VWF: variants seen among roughly 807,000 people sequenced by gnomAD.
VWF encodes the protein von Willebrand factor.
Under a neutral mutation model 308.6 loss-of-function variants are expected in VWF, and 176 were observed. That is an observed-to-expected ratio of 0.57 (90% CI 0.50 to 0.65). The LOEUF (loss-of-function observed/expected upper bound fraction) is 0.65, where lower values mean the gene tolerates loss of function less well. VWF is among the 30% of genes least tolerant of loss of function. The pLI is 0.00. For missense variants in VWF, 3,146 were observed against 3,648.2 expected (o/e 0.86, Z 3.55); for synonymous variants, 1,385 against 1,443.4 (o/e 0.96, Z 0.92).
chr12:6,058,051 G>GA lies in VWF; in HGVS notation c.1534-8dup, dbSNP rs1672389238. ...CGGCATAGACGGGGGACAGCTGCAGGAGAGACCAGGCCACTCTGGAGCCGC... is the reference window on the plus strand; with the variant it reads ...CGGCATAGACGGGGGACAGCTGCAGGAAGAGACCAGGCCACTCTGGAGCCGC... On this transcript the variant is annotated splice_region_variant and splice_polypyrimidine_tract_variant and intron_variant, in intron 13 of 51. Coordinates refer to ENST00000261405, the MANE Select transcript of VWF (RefSeq NM_000552.5). The surrounding 1 kb of genome is among the most constrained non-coding windows in gnomAD (Gnocchi z 4.9). The GA allele has an allele frequency of 6.2e-7, 1 of 1,612,986 alleles. No individual in the cohort carries two copies. The highest frequency in any genetic ancestry group is 2.2e-5 in the East Asian group (1 of 44,872).
At chr12:6,053,066 A>G (rs1944536980) in intron 15 of VWF, among the ~76,000 whole-genome samples, 1 of 152,212 alleles carries the variant, frequency 6.6e-6, no homozygotes, top group African/African-American at 2.4e-5. Flanking sequence ...GATATGTATT[A>G]TAATTATGGG....
Position 5,972,832 on chromosome 12 carries a change from A to C in VWF, c.7438-1123T>G, listed in dbSNP as rs78116759. 3.2e-3 allele frequency among the ~76,000 whole-genome samples: 494 copies of C among 152,352 alleles called. 6 individuals are homozygous for C. The highest frequency in any genetic ancestry group is 0.011 in the African/African-American group (466 of 41,586). ...GTACACACCCTCCAAGATACAGCAG[A>C]ACATTCAAAATGCCATTAAAGAAAA... On this transcript the variant is annotated intron_variant, in intron 43 of 51. Transcript: ENST00000261405.
chr12:6,076,990 A>G (rs1457871492), intron 6 of VWF, among the ~76,000 whole-genome samples: 1 of 152,192 alleles, frequency 6.6e-6, no homozygotes, highest in African/African-American at 2.4e-5. Flanking sequence ...GCCGCTTGCT[A>G]GGCCTCCACC....
At chr12:6,113,636 G>A (rs1032604989) in intron 3 of VWF, among the ~76,000 whole-genome samples, 7 of 152,168 alleles carry the variant, frequency 4.6e-5, no homozygotes, top group African/African-American at 2.4e-5. Context: ...TACCAGTAAT[G>A]GTAGAATCTG....
Position 6,107,060 on chromosome 12 carries a change from A to C in VWF, c.532+3314T>G, listed in dbSNP as rs932957775. Among the ~76,000 whole-genome samples the C allele has an allele frequency of 3.9e-5, 6 of 152,188 alleles. No homozygotes were observed. In the East Asian group the frequency reaches 1.2e-3, roughly 29 times the overall value. ...GTGAATGGGTAAACAAATTGTGGTA[A>C]CTACTCCTTAGCAATAAATAGGAAC... On this transcript the variant is annotated intron_variant, in intron 5 of 51. Coordinates refer to ENST00000261405, the MANE Select transcript of VWF (RefSeq NM_000552.5).
chr12:6,009,426 AACACACAC>A (rs3062550), intron 34 of VWF, among the ~76,000 whole-genome samples: 11,628 of 146,552 alleles, frequency 0.079, 480 homozygotes, highest in African/African-American at 0.087. Flanking sequence ...GCCATTATCA[AACACACAC>A]ACACACACAC....
rs377563805 is a variant in VWF at position 6,054,380 on chromosome 12, C to T, written c.1946-1597G>A. On this transcript the variant is annotated intron_variant, in intron 15 of 51. Transcript: ENST00000261405. ...TGTTAGACAATAAAGATGGAGATGTCTTTCAACCACCTGAGCCTACAATGA... is the reference window on the plus strand; with the variant it reads ...TGTTAGACAATAAAGATGGAGATGTTTTTCAACCACCTGAGCCTACAATGA... 9.2e-5 allele frequency among the ~76,000 whole-genome samples: 14 copies of T among 152,282 alleles called. No homozygotes were observed. The East Asian group carries it at 1.2e-3, about 13-fold the overall frequency.
chr12:5,991,750 G>T, intron 38 of VWF, 69 bp downstream of exon 38: 1 of 1,551,736 alleles, frequency 6.4e-7, no homozygotes. Context: ...CCAATCACTG[G>T]TGAACATATC....
Position 5,981,770 on chromosome 12 carries a change from G to A in VWF, c.7287+16C>T. 2 of 1,613,394 alleles carry A rather than the reference G, an allele frequency of 1.2e-6. No individual in the cohort carries two copies. The highest frequency in any genetic ancestry group is 2.2e-5 in the South Asian group (2 of 91,064). On this transcript the variant is annotated intron_variant, in intron 42 of 51. Transcript: ENST00000261405. ...GTAAACTATTAACTGATAGTTAATA[G>A]CCAAGCAGTCCTTACCTTGTCGGGA...
intron 21 of VWF, among the ~76,000 whole-genome samples, chr12:6,030,831 C>A (rs1055210546): frequency 1.3e-5 from 2 of 152,062 alleles, no homozygotes; most frequent in Non-Finnish European, 2.9e-5. Context: ...AGTTCGAGAC[C>A]AGCCTGGCCA....
chr12:5,951,693 G>A (rs770691117), intron 50 of VWF, 151 bp downstream of exon 50: 4 of 886,262 alleles, frequency 4.5e-6, no homozygotes, highest in Non-Finnish European at 7.4e-6. Flanking sequence ...CATAATGACT[G>A]ACCAGTGGTC....
In VWF at chr12:6,019,353, G is replaced by C. The variant is rs759742994; in HGVS notation, c.4065C>G (p.Ala1355=). ...TGTATTTCAAGACCTCGCTGGTGGA[G>C]GCCACCTGGCTGCCCGCATACTTCA... is the stretch of plus-strand genomic sequence containing the variant. ...SQVKYAGSQV[A]STSEVLKYTL... The change falls in exon 28 of 52, where the codon GCC becomes GCG. Residue 1355 remains alanine, a synonymous_variant. Transcript: ENST00000261405. The surrounding 1 kb of genome is among the most constrained non-coding windows in gnomAD (Gnocchi z 5.8). 9 of 1,613,814 alleles carry C rather than the reference G, an allele frequency of 5.6e-6. No homozygotes were observed. In the African/African-American group the frequency reaches 1.2e-4, roughly 22 times the overall value.
At chr12:5,997,407 G>C (rs1263645212) in intron 34 of VWF, among the ~76,000 whole-genome samples, 1 of 152,214 alleles carries the variant, frequency 6.6e-6, no homozygotes, top group African/African-American at 2.4e-5. Context: ...AAGTTAGTGA[G>C]AATGGCTCTG....
chr12:6,068,835 C>CGTGTGT (rs34977515), intron 10 of VWF, among the ~76,000 whole-genome samples: 160 of 91,314 alleles, frequency 1.8e-3, no homozygotes, highest in Middle Eastern at 6.5e-3. Context: ...TTTTTTTTTG[C>CGTGTGT]GTGTGTGTGT....
Position 6,057,319 on chromosome 12 carries a change from T to TTTTC in VWF, c.1730-248_1730-247insGAAA, listed in dbSNP as rs1229522335. Among the ~76,000 whole-genome samples, 43 of 147,640 alleles carry TTTTC rather than the reference T, an allele frequency of 2.9e-4. 1 individual carries two copies. The highest frequency in any genetic ancestry group is 1.1e-3 in the African/African-American group (43 of 39,122). ...AGGACGGGGACTATGGAATTTTTTT[T>TTTTC]TTTTTTTTTTGGAGAGACACGGTCT... On this transcript the variant is annotated intron_variant, in intron 14 of 51. Coordinates refer to ENST00000261405, the MANE Select transcript of VWF (RefSeq NM_000552.5).
intron 2 of VWF, among the ~76,000 whole-genome samples, chr12:6,122,500 A>C (rs1945442940): frequency 6.6e-6 from 1 of 152,152 alleles, no homozygotes; most frequent in South Asian, 2.1e-4. Context: ...CAAAAGACCC[A>C]CCTAGTAGGA....
intron 18 of VWF, among the ~76,000 whole-genome samples, chr12:6,037,221 T>C (rs947776524): frequency 6.6e-6 from 1 of 152,246 alleles, no homozygotes; most frequent in African/African-American, 2.4e-5. Flanking sequence ...TTTTTCAGTT[T>C]TAAAATTTTT....
Position 6,064,233 on chromosome 12 carries a change from G to A in VWF, c.1432+13C>T. ...TGCCAGCCCCAGGCCTGATGGAGCAGGACGAAGCATACCTTTCAGGAGGGG... is the reference window on the plus strand; with the variant it reads ...TGCCAGCCCCAGGCCTGATGGAGCAAGACGAAGCATACCTTTCAGGAGGGG... On this transcript the variant is annotated intron_variant, in intron 12 of 51. Transcript: ENST00000261405. 2 of 1,614,122 alleles carry A rather than the reference G, an allele frequency of 1.2e-6. No homozygotes were observed. The highest frequency in any genetic ancestry group is 2.7e-5 in the African/African-American group (2 of 75,054).
chr12:6,038,603 C>A lies in VWF; in HGVS notation c.2443-2112G>T, dbSNP rs78755598. On this transcript the variant is annotated intron_variant, in intron 18 of 51. Transcript: ENST00000261405. ...CGGACAGAACACTCCAGTCCCAGCT[C>A]AGGTGTGAGATAACAATGCCATGAC... is the stretch of plus-strand genomic sequence containing the variant. Among the ~76,000 whole-genome samples, 139 of 152,318 alleles carry A rather than the reference C, an allele frequency of 9.1e-4. 1 individual carries two copies. Among genetic ancestry groups the A allele is most frequent in the African/African-American group, 3.3e-3 (137 of 41,570 alleles).
Sources: allele counts gnomAD v4.1 joint callset (sites outside exome capture counted in the v4.1 genomes callset), GRCh38; gene constraint gnomAD v4.1.1; non-coding constraint Gnocchi (gnomAD v3.1); transcripts MANE v1.5; gene names NCBI Gene and HGNC (gene_info 2026-07-23, HGNC 2026-07-21).